The following TET1 variants were observed in gnomAD, a reference collection of about 807,000 sequenced individuals.
TET1 encodes tet methylcytosine dioxygenase 1, also known as methylcytosine dioxygenase TET1.
In TET1, 13 loss-of-function variants were observed where a neutral mutation model predicts 148.7. That is an observed-to-expected ratio of 0.09 (90% CI 0.06 to 0.14). The LOEUF is 0.14. TET1 is among the 10% of genes least tolerant of loss of function. The probability of loss-of-function intolerance (pLI) is 1.00; values close to 1 mark genes in which losing one functional copy is unlikely to be tolerated. For missense variants in TET1, 2,182 were observed against 2,553.8 expected (o/e 0.85, Z 3.14); for synonymous variants, 907 against 937.2 (o/e 0.97, Z 0.59).
chr10:68,602,329 G>A lies in TET1; in HGVS notation c.1968+1295G>A, dbSNP rs1010943916. Among the ~76,000 whole-genome samples, 9 of 152,144 alleles carry A rather than the reference G, an allele frequency of 5.9e-5. No individual in the cohort carries two copies. The East Asian group carries it at 1.5e-3, about 26-fold the overall frequency. On this transcript the variant is annotated intron_variant, in intron 3 of 11. Transcript: ENST00000373644. The stretch of plus-strand genomic sequence containing the variant: ...ATTTATTCCTTTTCCTTCCAACAGA[G>A]ATAGAAGTTTATCATTAAAAGCTCC...
intron 2 of TET1, among the ~76,000 whole-genome samples, chr10:68,585,399 G>T (rs1036445787): frequency 2.0e-5 from 3 of 152,218 alleles, no homozygotes; most frequent in Admixed American, 6.5e-5. Context: ...TTCCCAACGT[G>T]CTGGGATTAC....
intron 2 of TET1, among the ~76,000 whole-genome samples, chr10:68,595,078 A>G (rs1390640586): frequency 6.6e-6 from 1 of 151,454 alleles, no homozygotes; most frequent in Non-Finnish European, 1.5e-5. Flanking sequence ...GCTTGAGCCC[A>G]GGAGTTCGAG....
At chr10:68,575,888 C>T (rs139358732) in intron 2 of TET1, among the ~76,000 whole-genome samples, 2,463 of 148,696 alleles carry the variant, frequency 0.017, 31 homozygotes, top group Non-Finnish European at 0.025. Flanking sequence ...GGCGTGACGG[C>T]GTGCGCCTGC....
intron 8 of TET1, among the ~76,000 whole-genome samples, chr10:68,673,935 C>CTTTTTTTTT (rs11381293): frequency 3.3e-5 from 4 of 120,282 alleles, no homozygotes; most frequent in Non-Finnish European, 5.1e-5. Flanking sequence ...CTTTCTTTTT[C>CTTTTTTTTT]TTTTTTTTTT....
At chr10:68,631,426 CT>C (rs1174196222) in intron 3 of TET1, among the ~76,000 whole-genome samples, 64 of 114,318 alleles carry the variant, frequency 5.6e-4, no homozygotes, top group African/African-American at 1.8e-3. Flanking sequence ...ATTTTGTTTT[CT>C]TTCTTCTTTT....
At chr10:68,589,735 C>T (rs111238082) in intron 2 of TET1, among the ~76,000 whole-genome samples, 4,649 of 145,388 alleles carry the variant, frequency 0.032, 122 homozygotes, top group African/African-American at 0.078. Context: ...ACAGTAGTGA[C>T]ATCTCAGCTC....
At chr10:68,635,570 T>C (rs1012200691) in intron 3 of TET1, among the ~76,000 whole-genome samples, 1 of 152,230 alleles carries the variant, frequency 6.6e-6, no homozygotes, top group Non-Finnish European at 1.5e-5. Flanking sequence ...CTTAAAAATA[T>C]ATAAAATAGC....
At chr10:68,620,648 T>C (rs527307647) in intron 3 of TET1, among the ~76,000 whole-genome samples, 8 of 150,862 alleles carry the variant, frequency 5.3e-5, no homozygotes, top group Admixed American at 4.0e-4. Context: ...CATGTGGAAC[T>C]TTTTGTGTGG....
At chr10:68,598,189 G>C (rs776758337) in intron 2 of TET1, among the ~76,000 whole-genome samples, 6 of 152,210 alleles carry the variant, frequency 3.9e-5, no homozygotes, top group Non-Finnish European at 7.3e-5. Context: ...AAGAGTCCGA[G>C]ACCAGCCTGA....
intron 11 of TET1, among the ~76,000 whole-genome samples, chr10:68,687,583 A>G (rs1460919974): frequency 1.3e-5 from 2 of 151,756 alleles, no homozygotes; most frequent in Non-Finnish European, 2.9e-5. Flanking sequence ...TTTCTTTGTT[A>G]TTTTGTTTTT....
intron 6 of TET1, among the ~76,000 whole-genome samples, chr10:68,660,321 T>C (rs188089346): frequency 2.9e-3 from 433 of 151,764 alleles, no homozygotes; most frequent in African/African-American, 9.9e-3. Flanking sequence ...TTTTTTTACT[T>C]TTTTCTTTTC....
chr10:68,656,703 A>C (rs1036759578), intron 6 of TET1, among the ~76,000 whole-genome samples: 2 of 152,232 alleles, frequency 1.3e-5, no homozygotes, highest in Non-Finnish European at 2.9e-5. Flanking sequence ...GAGTGAATGA[A>C]TATGGAGCTT....
At chr10:68,637,169 T>G (rs964180338) in intron 3 of TET1, among the ~76,000 whole-genome samples, 1 of 152,014 alleles carries the variant, frequency 6.6e-6, no homozygotes, top group Non-Finnish European at 1.5e-5. Context: ...CCGCTAATTT[T>G]TGTGTTTTTA....
chr10:68,576,412 A>C (rs1263145361), intron 2 of TET1, among the ~76,000 whole-genome samples: 1 of 151,390 alleles, frequency 6.6e-6, no homozygotes, highest in Non-Finnish European at 1.5e-5. Context: ...CTGTAATCTC[A>C]GCACTTTGGG....
chr10:68,632,287 A>T, intron 3 of TET1: 3 of 1,142,252 alleles, frequency 2.6e-6, no homozygotes, highest in Non-Finnish European at 3.7e-6. Context: ...CCGCCACTGC[A>T]CTCCAGCCTG....
intron 3 of TET1, among the ~76,000 whole-genome samples, chr10:68,624,645 T>C (rs1297582280): frequency 3.8e-5 from 2 of 52,436 alleles, no homozygotes; most frequent in Non-Finnish European, 6.7e-5. Context: ...TCTTTCTTTC[T>C]TTCTTTCTTT....
In TET1 at chr10:68,602,725, A is replaced by G. The variant is rs1472113258; in HGVS notation, c.1968+1691A>G. Among the ~76,000 whole-genome samples the G allele has an allele frequency of 2.0e-5, 3 of 152,340 alleles. No individual in the cohort carries two copies. The South Asian group carries it at 6.2e-4, about 32-fold the overall frequency. On this transcript the variant is annotated intron_variant, in intron 3 of 11. Coordinates refer to ENST00000373644, the MANE Select transcript of TET1 (RefSeq NM_030625.3). ...AAGTGCCTGTGGGTGGCCACATTTC[A>G]TCTGCAACAGCAAGCAGAACCAAAT...
rs200333871 is a variant in TET1 at position 68,646,202 on chromosome 10, G to A, written c.3473G>A (p.Arg1158Gln). 2.0e-5 allele frequency: 33 copies of A among 1,613,890 alleles called. No homozygotes were observed. Among genetic ancestry groups the A allele is most frequent in the South Asian group, 1.1e-4 (10 of 91,052 alleles). ...ACAAAATCCACCCCATCAAGAGATC[G>A]GCGGAAAAAGAAGCCCACAGTTGTA... ...KKTKSTPSRD[R>Q]RKKKPTVVSY... is the part of the protein sequence containing the mutation. The change falls in exon 4 of 12, where the codon CGG becomes CAG. Residue 1158 changes from arginine to glutamine, a missense_variant. Arg to Gln is a conservative substitution (Grantham distance 43, BLOSUM62 1). This residue lies in a region of TET1 where 582 missense variants were observed against 599.5 expected (regional missense o/e 0.97). Transcript: ENST00000373644.
intron 6 of TET1, among the ~76,000 whole-genome samples, chr10:68,665,448 G>A (rs569063412): frequency 1.3e-5 from 2 of 152,134 alleles, no homozygotes; most frequent in South Asian, 2.1e-4. Flanking sequence ...TTTAATAATA[G>A]TTTTAGTTTC....
Sources: gnomAD v4.1 joint callset for allele counts (sites outside exome capture counted in the v4.1 genomes callset) on GRCh38, gnomAD v4.1.1 for gene constraint, gnomAD v4.1.1 regional missense constraint, MANE v1.5 for transcripts, NCBI Gene and HGNC (gene_info 2026-07-23, HGNC 2026-07-21) for gene names.